The following FAR2 variants were observed in gnomAD, a reference collection of about 807,000 sequenced individuals.
The protein encoded by FAR2 is fatty acyl-CoA reductase 2.
In FAR2, 19 loss-of-function variants were observed where a neutral mutation model predicts 56.0. The ratio of observed to expected loss-of-function variants is 0.34; its 90% CI spans 0.24 to 0.50. The LOEUF (loss-of-function observed/expected upper bound fraction) is 0.50. Among genes scored for constraint, FAR2 ranks in the 20% least tolerant of loss-of-function variants. The pLI is 0.98. For synonymous variants in FAR2, 219 were observed against 218.8 expected, an observed-to-expected ratio of 1.00 and a Z score of -0.01; for missense variants, 508 against 642.2, an observed-to-expected ratio of 0.79 and a Z score of 2.26.
intron 1 of FAR2, among the ~76,000 whole-genome samples, chr12:29,157,870 G>T (rs374291044): frequency 6.6e-6 from 1 of 152,172 alleles, no homozygotes; most frequent in Non-Finnish European, 1.5e-5. Context: ...GCACAGTATT[G>T]TCAAGAAACC....
In FAR2 at chr12:29,311,968, G is replaced by A. The variant is rs768523036; in HGVS notation, c.955+18G>A. The A allele has an allele frequency of 2.5e-6, 4 of 1,579,930 alleles. No homozygotes were observed. Among genetic ancestry groups the A allele is most frequent in the South Asian group, 1.1e-5 (1 of 89,224 alleles). On this transcript the variant is annotated intron_variant, in intron 8 of 11. Transcript: ENST00000536681. ...CAAAATGGGTAAGTACTTTAGCTAT[G>A]TAACTCTATAATTACTAGTGTCTGG...
chr12:29,295,274 A>G (rs1266552886), intron 3 of FAR2, among the ~76,000 whole-genome samples: 1 of 152,016 alleles, frequency 6.6e-6, no homozygotes, highest in Non-Finnish European at 1.5e-5. Context: ...GGGTTTCACA[A>G]TCATGGCCAG....
intron 1 of FAR2, among the ~76,000 whole-genome samples, chr12:29,184,043 A>T (rs1950015293): frequency 1.3e-5 from 2 of 152,240 alleles, no homozygotes; most frequent in African/African-American, 4.8e-5. Context: ...GCAACACATA[A>T]CAAAAAATTA....
At chr12:29,240,329 C>G (rs1457944172) in intron 1 of FAR2, among the ~76,000 whole-genome samples, 1 of 152,164 alleles carries the variant, frequency 6.6e-6, no homozygotes, top group Non-Finnish European at 1.5e-5. Flanking sequence ...AACTCCCACT[C>G]TGAAGTCCTG....
intron 1 of FAR2, among the ~76,000 whole-genome samples, chr12:29,218,050 A>G (rs1591860332): frequency 6.6e-6 from 1 of 152,270 alleles, no homozygotes; most frequent in Middle Eastern, 3.4e-3. Flanking sequence ...AATGATAAAT[A>G]TCTAAAATTA....
intron 1 of FAR2, among the ~76,000 whole-genome samples, chr12:29,184,960 T>A (rs562361894): frequency 6.6e-6 from 1 of 152,196 alleles, no homozygotes; most frequent in Non-Finnish European, 1.5e-5. Flanking sequence ...AATTCTGACA[T>A]TTTTATCATC....
At chr12:29,218,757 G>A (rs547633005) in intron 1 of FAR2, among the ~76,000 whole-genome samples, 11 of 152,080 alleles carry the variant, frequency 7.2e-5, no homozygotes, top group Non-Finnish European at 7.4e-5. Context: ...GCTAGAAGGG[G>A]AAAAAGTTAT....
At chr12:29,207,606 C>G (rs1225287537) in intron 1 of FAR2, among the ~76,000 whole-genome samples, 1 of 151,628 alleles carries the variant, frequency 6.6e-6, no homozygotes, top group Non-Finnish European at 1.5e-5. Context: ...TTTTTTTTCT[C>G]TTTTTCCCTT....
intron 9 of FAR2, among the ~76,000 whole-genome samples, chr12:29,317,462 G>A (rs1271651690): frequency 6.6e-6 from 1 of 152,058 alleles, no homozygotes; most frequent in Non-Finnish European, 1.5e-5. Context: ...AAACACTTCT[G>A]GCCCAAGTAT....
chr12:29,170,641 CTCTT>C (rs936550531), intron 1 of FAR2, among the ~76,000 whole-genome samples: 20 of 152,104 alleles, frequency 1.3e-4, no homozygotes, highest in African/African-American at 4.8e-4. Context: ...TTCTGTCTCT[CTCTT>C]TCTCTCTCTC....
intron 1 of FAR2, among the ~76,000 whole-genome samples, chr12:29,159,547 G>A (rs966113100): frequency 2.7e-5 from 4 of 150,804 alleles, no homozygotes; most frequent in African/African-American, 7.3e-5. Flanking sequence ...AGGGTATGAT[G>A]GGAAATAGAG....
At chr12:29,231,394 T>G (rs1232782820) in intron 1 of FAR2, among the ~76,000 whole-genome samples, 4 of 152,100 alleles carry the variant, frequency 2.6e-5, no homozygotes, top group Non-Finnish European at 5.9e-5. Flanking sequence ...GGGCAGTGAT[T>G]TCATTCATAG....
chr12:29,319,436 T>C (rs192896937), intron 9 of FAR2, among the ~76,000 whole-genome samples: 8 of 152,334 alleles, frequency 5.3e-5, no homozygotes, highest in Non-Finnish European at 1.0e-4. Context: ...GGCTGGACTT[T>C]CATTCATTTA....
Position 29,248,888 on chromosome 12 carries a change from T to C in FAR2, c.-38-21524T>C, listed in dbSNP as rs1042280234. ...ATTTGCTTTTGAAAGAAGAGATATA[T>C]GGCTCTGTTCCGCCCGGCTCACCGG... On this transcript the variant is annotated intron_variant, in intron 1 of 11. Coordinates refer to ENST00000536681, the MANE Select transcript of FAR2 (RefSeq NM_001271783.2). Among the ~76,000 whole-genome samples the C allele has an allele frequency of 3.3e-5, 5 of 152,364 alleles. No homozygotes were observed. The South Asian group carries it at 8.3e-4, about 25-fold the overall frequency.
chr12:29,245,699 A>C (rs1490469261), intron 1 of FAR2, among the ~76,000 whole-genome samples: 1 of 152,136 alleles, frequency 6.6e-6, no homozygotes, highest in Non-Finnish European at 1.5e-5. Flanking sequence ...AGTCCCTATA[A>C]AAATCTACCT....
Position 29,181,256 on chromosome 12 carries a change from G to A in FAR2, c.-39+31849G>A, listed in dbSNP as rs111536290. Among the ~76,000 whole-genome samples, 474 of 152,148 alleles carry A rather than the reference G, an allele frequency of 3.1e-3. 1 individual carries two copies. Among genetic ancestry groups the A allele is most frequent in the African/African-American group, 0.011 (450 of 41,506 alleles). On this transcript the variant is annotated intron_variant, in intron 1 of 11. Transcript: ENST00000536681. Reference sequence around the variant, plus strand: ...GAATGTTTTTTCTTTTTTAATAAAAGCACTTATTAAACACCTCCTTTGAGT... The same window carrying A: ...GAATGTTTTTTCTTTTTTAATAAAAACACTTATTAAACACCTCCTTTGAGT...
At chr12:29,303,561 G>A (rs1949209989) in intron 4 of FAR2, among the ~76,000 whole-genome samples, 1 of 152,172 alleles carries the variant, frequency 6.6e-6, no homozygotes, top group South Asian at 2.1e-4. Context: ...GAGGGTGCAG[G>A]TGTGAGAGGC....
At chr12:29,166,746 A>G (rs945133488) in intron 1 of FAR2, among the ~76,000 whole-genome samples, 8 of 152,180 alleles carry the variant, frequency 5.3e-5, no homozygotes, top group South Asian at 2.1e-4. Context: ...ATTGCTCCAG[A>G]CAGCTATATC....
chr12:29,174,753 A>C (rs1949920904), intron 1 of FAR2, among the ~76,000 whole-genome samples: 1 of 152,082 alleles, frequency 6.6e-6, no homozygotes, highest in South Asian at 2.1e-4. Flanking sequence ...CTAGCCTCGG[A>C]GAAGAGAGGC....
Sources: gnomAD v4.1 joint callset for allele counts (sites outside exome capture counted in the v4.1 genomes callset) on GRCh38, gnomAD v4.1.1 for gene constraint, MANE v1.5 for transcripts, NCBI Gene and HGNC (gene_info 2026-07-23, HGNC 2026-07-21) for gene names.